Variants in CNTNAP2 observed in about 807,000 individuals in gnomAD.
The protein encoded by CNTNAP2 is contactin associated protein 2, also known as contactin-associated protein-like 2.
A neutral mutation model predicts 155.2 loss-of-function variants in CNTNAP2; 98 were observed. The ratio of observed to expected loss-of-function variants is 0.63; its 90% CI spans 0.54 to 0.75. The LOEUF (loss-of-function observed/expected upper bound fraction) is 0.75, where lower values mean the gene tolerates loss of function less well. CNTNAP2 is among the 30% of genes least tolerant of loss of function. CNTNAP2 has a pLI of 0.00. For missense variants in CNTNAP2, 1,727 were observed against 1,688.1 expected (o/e 1.02, Z -0.40); for synonymous variants, 651 against 631.2 (o/e 1.03, Z -0.47).
intron 15 of CNTNAP2, among the ~76,000 whole-genome samples, chr7:148,062,639 A>C (rs916269702): frequency 6.6e-6 from 1 of 152,184 alleles, no homozygotes; most frequent in African/African-American, 2.4e-5. Context: ...TATCTTAAAA[A>C]TACTTAGAAC....
At chr7:147,976,364 G>A (rs1468287881) in intron 14 of CNTNAP2, among the ~76,000 whole-genome samples, 2 of 152,004 alleles carry the variant, frequency 1.3e-5, no homozygotes, top group African/African-American at 4.8e-5. Context: ...AATATCAAAG[G>A]CTTTGTTTCC....
intron 13 of CNTNAP2, among the ~76,000 whole-genome samples, chr7:147,737,906 G>A: frequency 6.6e-6 from 1 of 152,300 alleles, no homozygotes; most frequent in South Asian, 2.1e-4. Context: ...GATTTTCCAG[G>A]TGCCATTTGT....
At chr7:148,323,822 G>A (rs1020632002) in intron 21 of CNTNAP2, among the ~76,000 whole-genome samples, 25 of 151,968 alleles carry the variant, frequency 1.6e-4, no homozygotes, top group African/African-American at 6.0e-4. Context: ...GCTGTCTGTG[G>A]GTCAACCTTT....
At chr7:146,324,108 T>A (rs1465488471) in intron 1 of CNTNAP2, among the ~76,000 whole-genome samples, 1 of 152,020 alleles carries the variant, frequency 6.6e-6, no homozygotes, top group Admixed American at 6.6e-5. Context: ...CTTAAAAAGA[T>A]AACAAGGCTT....
At chr7:148,069,118 T>C (rs1462410999) in intron 15 of CNTNAP2, among the ~76,000 whole-genome samples, 1 of 152,236 alleles carries the variant, frequency 6.6e-6, no homozygotes, top group East Asian at 1.9e-4. Flanking sequence ...CTGCCCTGCC[T>C]GATCTCTATG....
chr7:148,229,788 A>G lies in CNTNAP2; in HGVS notation c.3381+9A>G. 1.2e-6 allele frequency: 2 copies of G among 1,614,048 alleles called. No homozygotes were observed. The highest frequency in any genetic ancestry group is 1.7e-6 in the Non-Finnish European group (2 of 1,179,990). ...AGACCATCTTTCTCAAGGTATACAT[A>G]CATGTACATATAAATTACATATAAT... On this transcript the variant is annotated intron_variant, in intron 20 of 23. Transcript: ENST00000361727.
At chr7:147,944,511 C>A (rs1403532668) in intron 14 of CNTNAP2, among the ~76,000 whole-genome samples, 7 of 152,160 alleles carry the variant, frequency 4.6e-5, no homozygotes, top group African/African-American at 1.7e-4. Flanking sequence ...AAAATCCTAA[C>A]TGAAAAGAAA....
At chr7:148,041,779 T>C (rs1802680949) in intron 15 of CNTNAP2, among the ~76,000 whole-genome samples, 1 of 152,088 alleles carries the variant, frequency 6.6e-6, no homozygotes, top group African/African-American at 2.4e-5. Context: ...TCAACAAGCA[T>C]CTATTGAGCA....
At chr7:146,470,969 TC>T (rs1563096602) in intron 1 of CNTNAP2, among the ~76,000 whole-genome samples, 1 of 152,150 alleles carries the variant, frequency 6.6e-6, no homozygotes, top group Non-Finnish European at 1.5e-5. Flanking sequence ...TAAAAAGTCT[TC>T]CTACCTTTGC....
At chr7:146,613,296 T>C (rs347206) in intron 1 of CNTNAP2, among the ~76,000 whole-genome samples, 99,209 of 152,026 alleles carry the variant, frequency 0.65, 33,790 homozygotes, top group African/African-American at 0.82. Flanking sequence ...TGATAGACAA[T>C]CTATAAGAAT....
chr7:147,111,789 T>A (rs1800885579), intron 5 of CNTNAP2, among the ~76,000 whole-genome samples: 1 of 152,186 alleles, frequency 6.6e-6, no homozygotes, highest in Non-Finnish European at 1.5e-5. Flanking sequence ...GAGTTTGAAG[T>A]TGGGTAGTGT....
intron 8 of CNTNAP2, among the ~76,000 whole-genome samples, chr7:147,205,208 A>G (rs966870441): frequency 6.6e-6 from 1 of 151,996 alleles, no homozygotes; most frequent in Non-Finnish European, 1.5e-5. Context: ...ATCGTATTCA[A>G]TATGTAGTTT....
chr7:147,283,327 A>T lies in CNTNAP2; in HGVS notation c.1349-16814A>T, dbSNP rs527892569. Among the ~76,000 whole-genome samples, 70 of 151,582 alleles carry T rather than the reference A, an allele frequency of 4.6e-4. No homozygotes were observed. In the East Asian group the frequency reaches 4.6e-3, roughly 10 times the overall value. On this transcript the variant is annotated intron_variant, in intron 8 of 23. Coordinates refer to ENST00000361727, the MANE Select transcript of CNTNAP2 (RefSeq NM_014141.6). The stretch of plus-strand genomic sequence containing the variant: ...TTGTATAGTTCAAAGGCTTTTTTTT[A>T]AAAAAAACTGAACATACCTATGTAA...
intron 15 of CNTNAP2, among the ~76,000 whole-genome samples, chr7:148,036,307 CA>C (rs1462194900): frequency 6.6e-6 from 1 of 152,050 alleles, no homozygotes; most frequent in African/African-American, 2.4e-5. Context: ...AACTGTTCCC[CA>C]AAGTTCATGT....
At position 147,268,192 on chromosome 7, in the gene CNTNAP2, T is replaced by C. The variant is rs149202623; in HGVS notation, c.1349-31949T>C. Among the ~76,000 whole-genome samples the C allele has an allele frequency of 4.3e-3, 581 of 134,548 alleles. 6 individuals carry two copies. The highest frequency in any genetic ancestry group is 0.015 in the African/African-American group (553 of 37,502). The allele number at this position is 134,548 out of a possible 152,430, so 88.3% of individuals were successfully genotyped here. A position where few individuals can be genotyped will look rare whatever the true frequency, so the allele number is the denominator to read the frequency against. On this transcript the variant is annotated intron_variant, in intron 8 of 23. Coordinates refer to ENST00000361727, the MANE Select transcript of CNTNAP2 (RefSeq NM_014141.6). ...CTACCATTTGTAGACATTTATTAAATGTCTACTATCTAAAAATTTAAATGT... is the reference window on the plus strand; with the variant it reads ...CTACCATTTGTAGACATTTATTAAACGTCTACTATCTAAAAATTTAAATGT...
At chr7:146,650,980 G>A (rs920513151) in intron 1 of CNTNAP2, among the ~76,000 whole-genome samples, 9 of 151,888 alleles carry the variant, frequency 5.9e-5, no homozygotes, top group African/African-American at 2.2e-4. Context: ...TGATCACGCT[G>A]GTGGATAGTG....
At chr7:147,118,415 C>T (rs1466460776) in intron 5 of CNTNAP2, among the ~76,000 whole-genome samples, 1 of 151,216 alleles carries the variant, frequency 6.6e-6, no homozygotes, top group Non-Finnish European at 1.5e-5. Context: ...ATGTTGATAG[C>T]ATTTAAAATG....
intron 1 of CNTNAP2, among the ~76,000 whole-genome samples, chr7:146,431,425 G>T (rs1639436): frequency 0.036 from 5,415 of 151,870 alleles, 345 homozygotes; most frequent in African/African-American, 0.12. Context: ...TTTTTGGCTT[G>T]GCCCTTTGGA....
At chr7:146,895,139 T>C (rs1795848537) in intron 3 of CNTNAP2, among the ~76,000 whole-genome samples, 1 of 151,590 alleles carries the variant, frequency 6.6e-6, no homozygotes, top group Non-Finnish European at 1.5e-5. Flanking sequence ...TTAATGTGTC[T>C]TTATCTTATC....
Sources: allele counts gnomAD v4.1 joint callset (sites outside exome capture counted in the v4.1 genomes callset), GRCh38; gene constraint gnomAD v4.1.1; transcripts MANE v1.5; gene names NCBI Gene and HGNC (gene_info 2026-07-23, HGNC 2026-07-21).